The following IL1RAPL1 variants were observed in gnomAD, a reference collection of about 807,000 sequenced individuals.
IL1RAPL1 encodes interleukin-1 receptor accessory protein-like 1.
Under a neutral mutation model 48.4 loss-of-function variants are expected in IL1RAPL1, and 3 were observed. That is an observed-to-expected ratio of 0.06 (90% confidence interval 0.03 to 0.16). IL1RAPL1 has a LOEUF of 0.16. Among genes scored for constraint, IL1RAPL1 ranks in the 10% least tolerant of loss-of-function variants. IL1RAPL1 has a pLI of 1.00. For synonymous variants in IL1RAPL1, 185 were observed against 187.7 expected (o/e 0.99, Z 0.12); for missense variants, 349 against 530.6 (o/e 0.66, Z 3.36).
intron 2 of IL1RAPL1, among the ~76,000 whole-genome samples, chrX:28,814,260 C>T (rs1300189828): frequency 9.1e-6 from 1 of 109,576 alleles, no homozygotes; most frequent in Non-Finnish European, 1.9e-5. Context: ...CAGACTCCCA[C>T]TATTCTAACT....
At chrX:29,225,769 C>T (rs1052082271) in intron 2 of IL1RAPL1, among the ~76,000 whole-genome samples, 4 of 111,576 alleles carry the variant, frequency 3.6e-5, no homozygotes, top group African/African-American at 9.8e-5. Context: ...AAGTAGGGCC[C>T]TATCTTTCTT....
intron 5 of IL1RAPL1, among the ~76,000 whole-genome samples, chrX:29,441,959 A>G (rs1934551880): frequency 8.9e-6 from 1 of 112,253 alleles, no homozygotes; most frequent in African/African-American, 3.2e-5. Flanking sequence ...TCATAGTACA[A>G]TTATTGAAAT....
chrX:29,193,777 CAAT>C lies in IL1RAPL1; in HGVS notation c.83-89158_83-89156del, dbSNP rs1291297145. On this transcript the variant is annotated intron_variant, in intron 2 of 10. Transcript: ENST00000378993. Reference sequence around the variant, plus strand: ...AATACACACATAGGCAAATAAATTCCAATAAAAACTGGCAAAATCTAAAATACT... The same window carrying C: ...AATACACACATAGGCAAATAAATTCCAAAAACTGGCAAAATCTAAAATACT... Among the ~76,000 whole-genome samples, 3 of 110,888 alleles carry C rather than the reference CAAT, an allele frequency of 2.7e-5. No homozygotes were observed. The Admixed American group carries it at 2.9e-4, about 11-fold the overall frequency.
chrX:29,663,485 C>T (rs1038287633), intron 5 of IL1RAPL1, among the ~76,000 whole-genome samples: 1 of 112,137 alleles, frequency 8.9e-6, no homozygotes, highest in African/African-American at 3.2e-5. Flanking sequence ...TCTTTTATCT[C>T]TAAATTAGTA....
chrX:29,142,696 G>T (rs1424380544), intron 2 of IL1RAPL1, among the ~76,000 whole-genome samples: 1 of 100,220 alleles, frequency 1.0e-5, no homozygotes, highest in East Asian at 3.2e-4. Context: ...AGATGTTAGA[G>T]AATTTTTTTT....
At chrX:28,689,878 T>C (rs1224126877) in intron 1 of IL1RAPL1, among the ~76,000 whole-genome samples, 2 of 111,701 alleles carry the variant, frequency 1.8e-5, no homozygotes, top group African/African-American at 3.3e-5. Context: ...GAGTCTCCCA[T>C]TGGTAATTAA....
At chrX:29,528,741 G>A (rs1271367576) in intron 5 of IL1RAPL1, among the ~76,000 whole-genome samples, 4 of 111,702 alleles carry the variant, frequency 3.6e-5, no homozygotes, top group African/African-American at 1.3e-4. Flanking sequence ...AAACCAATAT[G>A]GGACTTTATT....
At chrX:29,260,536 C>A (rs1289358439) in intron 2 of IL1RAPL1, among the ~76,000 whole-genome samples, 1 of 111,586 alleles carries the variant, frequency 9.0e-6, no homozygotes, top group Non-Finnish European at 1.9e-5. Flanking sequence ...GAAACCGCCC[C>A]TATGATTCAA....
intron 6 of IL1RAPL1, among the ~76,000 whole-genome samples, chrX:29,686,092 G>A (rs1326078220): frequency 3.6e-5 from 4 of 111,639 alleles, no homozygotes; most frequent in Non-Finnish European, 5.7e-5. Context: ...TTAATTGCAC[G>A]ATAGCATAAT....
At chrX:29,843,055 C>T (rs911104768) in intron 6 of IL1RAPL1, among the ~76,000 whole-genome samples, 1 of 112,249 alleles carries the variant, frequency 8.9e-6, no homozygotes, top group Non-Finnish European at 1.9e-5. Context: ...ATTCGCTGCT[C>T]ACTGTTGAAT....
intron 2 of IL1RAPL1, among the ~76,000 whole-genome samples, chrX:28,963,021 T>A (rs1924827331): frequency 1.8e-5 from 2 of 110,947 alleles, no homozygotes; most frequent in Admixed American, 1.9e-4. Context: ...GAGTGCTTTT[T>A]GAAAGATTTT....
At chrX:29,021,215 G>GAAAAAAAAAAA (rs746008500) in intron 2 of IL1RAPL1, among the ~76,000 whole-genome samples, 20 of 41,941 alleles carry the variant, frequency 4.8e-4, no homozygotes, top group East Asian at 2.0e-3. Flanking sequence ...CCGTCTCAAG[G>GAAAAAAAAAAA]AAAAAAAAAA....
chrX:29,114,755 G>C (rs1051575880), intron 2 of IL1RAPL1, among the ~76,000 whole-genome samples: 45 of 110,273 alleles, frequency 4.1e-4, no homozygotes, highest in African/African-American at 1.4e-3. Context: ...TCAGCCGCCC[G>C]AGTAGCTGGG....
chrX:28,747,416 A>G (rs928515409), intron 1 of IL1RAPL1, among the ~76,000 whole-genome samples: 3 of 111,029 alleles, frequency 2.7e-5, no homozygotes, highest in Non-Finnish European at 5.7e-5. Context: ...CGGGCGGATC[A>G]CTTCACTTGA....
chrX:29,750,100 C>T, intron 6 of IL1RAPL1, among the ~76,000 whole-genome samples: 1 of 112,073 alleles, frequency 8.9e-6, no homozygotes. Flanking sequence ...TCTCCATCTC[C>T]TTACCCAAAG....
chrX:29,155,051 A>G (rs1476143705), intron 2 of IL1RAPL1, among the ~76,000 whole-genome samples: 1 of 103,060 alleles, frequency 9.7e-6, no homozygotes, highest in Non-Finnish European at 2.0e-5. Context: ...CTTGTTGCCC[A>G]GGCTGGATTG....
chrX:28,778,335 A>G (rs778345607), intron 1 of IL1RAPL1, among the ~76,000 whole-genome samples: 6 of 111,800 alleles, frequency 5.4e-5, no homozygotes, highest in Non-Finnish European at 7.5e-5. Context: ...TTATCCAACT[A>G]TTCGTTAAAT....
rs899507564 is a variant in IL1RAPL1 at position 29,373,445 on chromosome X, A to C, written c.363-22813A>C. Among the ~76,000 whole-genome samples the C allele has an allele frequency of 2.7e-5, 3 of 111,725 alleles. No individual in the cohort carries two copies. In the Admixed American group the frequency reaches 2.9e-4, roughly 11 times the overall value. ...CCTGATTACTCTGGCTAGGACTTCT[A>C]GTACTACATTGAATAGGAGTGGTCA... On this transcript the variant is annotated intron_variant, in intron 3 of 10. Transcript: ENST00000378993.
chrX:29,104,172 T>C (rs771881740), intron 2 of IL1RAPL1, among the ~76,000 whole-genome samples: 2 of 112,313 alleles, frequency 1.8e-5, no homozygotes, highest in East Asian at 5.6e-4. Flanking sequence ...ATCTGCACTC[T>C]CGTGTTTGAT....
Sources: gnomAD v4.1 joint callset for allele counts (sites outside exome capture counted in the v4.1 genomes callset) on GRCh38, gnomAD v4.1.1 for gene constraint, MANE v1.5 for transcripts, NCBI Gene and HGNC (gene_info 2026-07-23, HGNC 2026-07-21) for gene names.